CHST9: variants seen among roughly 807,000 people sequenced by gnomAD.
CHST9 encodes carbohydrate sulfotransferase 9, also known as GalNAc-4-sulfotransferase 2.
CHST9 carries 41 observed loss-of-function variants against 44.4 expected under a neutral mutation model. That is an observed-to-expected ratio of 0.92 (90% CI 0.72 to 1.20). The LOEUF is 1.20. Among genes scored for constraint, CHST9 ranks in the 50% most tolerant of loss-of-function variants. CHST9 has a pLI of 0.00. For synonymous variants in CHST9, 171 were observed against 178.4 expected (o/e 0.96, Z 0.33); for missense variants, 504 against 516.5 (o/e 0.98, Z 0.23).
intron 4 of CHST9, among the ~76,000 whole-genome samples, chr18:26,986,438 G>A (rs2056756287): frequency 6.6e-6 from 1 of 152,116 alleles, no homozygotes; most frequent in South Asian, 2.1e-4. Flanking sequence ...GAATTAGTGA[G>A]CTATCAGACA....
At chr18:27,124,150 T>C (rs1484680304) in intron 2 of CHST9, among the ~76,000 whole-genome samples, 3 of 152,124 alleles carry the variant, frequency 2.0e-5, no homozygotes, top group Non-Finnish European at 4.4e-5. Context: ...ATTTAAGAAA[T>C]CCAGATGCTA....
chr18:27,110,501 C>T (rs565698461), intron 2 of CHST9, among the ~76,000 whole-genome samples: 3 of 152,278 alleles, frequency 2.0e-5, no homozygotes, highest in East Asian at 3.9e-4. Flanking sequence ...AAATTACTTC[C>T]AGTTCCCTGC....
chr18:26,962,791 C>T (rs888607416), intron 4 of CHST9, among the ~76,000 whole-genome samples: 1 of 152,108 alleles, frequency 6.6e-6, no homozygotes, highest in African/African-American at 2.4e-5. Flanking sequence ...GATCCAAGGC[C>T]GCTTCAGGCA....
intron 2 of CHST9, among the ~76,000 whole-genome samples, chr18:27,052,331 T>G (rs2057578493): frequency 6.7e-6 from 1 of 150,144 alleles, no homozygotes; most frequent in Non-Finnish European, 1.5e-5. Context: ...TGTATATATG[T>G]GTGTATATAT....
intron 2 of CHST9, among the ~76,000 whole-genome samples, chr18:27,065,984 G>A (rs1568158125): frequency 6.6e-6 from 1 of 152,252 alleles, no homozygotes; most frequent in East Asian, 1.9e-4. Context: ...GGCATAAGCA[G>A]AAAATGAAAC....
chr18:27,169,598 C>CTTTTTTTTTTTTT (rs1156859087), intron 1 of CHST9, among the ~76,000 whole-genome samples: 1 of 82,160 alleles, frequency 1.2e-5, no homozygotes. Context: ...ATATATTCTT[C>CTTTTTTTTTTTTT]TTTTTTTTTT....
rs146871005 is a variant in CHST9, at chr18:26,974,024, T to C, written c.203-29658A>G. ...TGATATTTTGGACACACTGAGATGT[T>C]TTTAATCAAGCCACCATCTGGGCCA... On this transcript the variant is annotated intron_variant, in intron 4 of 5. Coordinates refer to ENST00000618847, the MANE Select transcript of CHST9 (RefSeq NM_031422.6). Among the ~76,000 whole-genome samples the C allele has an allele frequency of 1.7e-3, 266 of 152,344 alleles. 2 individuals carry two copies. Among genetic ancestry groups the C allele is most frequent in the East Asian group, 0.011 (56 of 5,176 alleles).
intron 4 of CHST9, among the ~76,000 whole-genome samples, chr18:26,956,353 A>ACAC (rs112350076): frequency 6.8e-6 from 1 of 146,338 alleles, no homozygotes; most frequent in African/African-American, 2.5e-5. Context: ...ATACACACAC[A>ACAC]ATTATATCAT....
In CHST9 at chr18:26,911,987, A is replaced by G. The variant is rs891086726; in HGVS notation, c.*4272T>C. 6.6e-6 allele frequency: 1 copy of G among 152,178 alleles called. No homozygotes were observed. The highest frequency in any genetic ancestry group is 2.4e-5 in the African/African-American group (1 of 41,416). 9.4% of individuals were successfully genotyped at this position (152,178 alleles called of 1,614,324 possible). ...AAGGAGACTCAGGAAGAAGGGGATA[A>G]TGCACAGTTGCTCTGTTTCTAGCAG... On this transcript the variant is annotated 3_prime_UTR_variant, in exon 6 of 6. Coordinates refer to ENST00000618847, the MANE Select transcript of CHST9 (RefSeq NM_031422.6).
chr18:27,180,008 C>G (rs2058899507), intron 1 of CHST9, among the ~76,000 whole-genome samples: 1 of 152,120 alleles, frequency 6.6e-6, no homozygotes, highest in Non-Finnish European at 1.5e-5. Flanking sequence ...TATTTACTCT[C>G]TCATTTGCAA....
At chr18:26,994,656 C>T (rs1448735674) in intron 4 of CHST9, among the ~76,000 whole-genome samples, 1 of 152,086 alleles carries the variant, frequency 6.6e-6, no homozygotes, top group African/African-American at 2.4e-5. Flanking sequence ...GTGGTGCAAC[C>T]TTGGCTCACT....
chr18:26,943,309 G>T (rs191678737), intron 5 of CHST9, among the ~76,000 whole-genome samples: 365 of 152,292 alleles, frequency 2.4e-3, no homozygotes, highest in Middle Eastern at 3.4e-3. Flanking sequence ...TTAGCCAAAT[G>T]GGTTGACTAT....
intron 2 of CHST9, among the ~76,000 whole-genome samples, chr18:27,132,587 C>A (rs984734584): frequency 6.6e-6 from 1 of 152,156 alleles, no homozygotes; most frequent in African/African-American, 2.4e-5. Flanking sequence ...GTGAACAAGG[C>A]AATACCTTGG....
intron 2 of CHST9, among the ~76,000 whole-genome samples, chr18:27,054,268 A>T (rs1032385425): frequency 3.3e-5 from 5 of 152,228 alleles, no homozygotes; most frequent in Non-Finnish European, 7.3e-5. Flanking sequence ...AGTGGGTGAT[A>T]AAATAATAGA....
chr18:27,015,501 C>A (rs745427647), intron 4 of CHST9, among the ~76,000 whole-genome samples: 1 of 152,080 alleles, frequency 6.6e-6, no homozygotes, highest in Non-Finnish European at 1.5e-5. Context: ...CATCTGCCTG[C>A]CCCCAGTCTT....
At chr18:27,160,058 G>A (rs1567943688) in intron 1 of CHST9, among the ~76,000 whole-genome samples, 1 of 152,142 alleles carries the variant, frequency 6.6e-6, no homozygotes, top group Non-Finnish European at 1.5e-5. Flanking sequence ...TCCGCAAACA[G>A]GGACAATTTG....
intron 3 of CHST9, among the ~76,000 whole-genome samples, chr18:27,024,727 G>T (rs2057265278): frequency 6.6e-6 from 1 of 152,122 alleles, no homozygotes; most frequent in African/African-American, 2.4e-5. Context: ...AAAAAAGAGG[G>T]CTCTGAGGCA....
chr18:27,001,740 T>C (rs946948076), intron 4 of CHST9, among the ~76,000 whole-genome samples: 1 of 152,182 alleles, frequency 6.6e-6, no homozygotes, highest in African/African-American at 2.4e-5. Context: ...AACTTAGTTA[T>C]TGAGGATCTC....
intron 4 of CHST9, among the ~76,000 whole-genome samples, chr18:26,948,905 C>T (rs35871650): frequency 0.18 from 28,001 of 151,834 alleles, 2,696 homozygotes; most frequent in East Asian, 0.24. Context: ...AAGTTCTGAG[C>T]GGCTTATGTA....
Sources: gnomAD v4.1 joint callset for allele counts (sites outside exome capture counted in the v4.1 genomes callset) on GRCh38, gnomAD v4.1.1 for gene constraint, MANE v1.5 for transcripts, NCBI Gene and HGNC (gene_info 2026-07-23, HGNC 2026-07-21) for gene names.